Variants in PI4KB observed in about 807,000 individuals in gnomAD.
PI4KB encodes phosphatidylinositol 4-kinase beta.
PI4KB carries 23 observed loss-of-function variants against 81.4 expected under a neutral mutation model. The ratio of observed to expected loss-of-function variants is 0.28; its 90% confidence interval spans 0.20 to 0.40. PI4KB has a LOEUF of 0.40. Ranked by LOEUF, PI4KB falls within the 10% of genes least tolerant of loss-of-function variation. PI4KB has a pLI of 1.00. For synonymous variants in PI4KB, 381 were observed against 406.8 expected (o/e 0.94, Z 0.76); for missense variants, 651 against 1,036.6 (o/e 0.63, Z 5.11).
intron 8 of PI4KB, among the ~76,000 whole-genome samples, 153 bp downstream of exon 8, chr1:151,301,691 C>T (rs1695298757): frequency 6.6e-6 from 1 of 152,224 alleles, no homozygotes; most frequent in African/African-American, 2.4e-5. Flanking sequence ...ACCACCACAC[C>T]CGGCCATAAT....
At chr1:151,305,500 G>T (rs1695682270) in intron 5 of PI4KB, among the ~76,000 whole-genome samples, 1 of 152,140 alleles carries the variant, frequency 6.6e-6, no homozygotes, top group Non-Finnish European at 1.5e-5. Flanking sequence ...TTTGCATGCA[G>T]TGTTCCCTCT....
At chr1:151,318,262 C>T (rs184931780) in intron 1 of PI4KB, among the ~76,000 whole-genome samples, 2 of 151,702 alleles carry the variant, frequency 1.3e-5, no homozygotes, top group South Asian at 2.1e-4. Flanking sequence ...ACTAAAAATA[C>T]AAAAATTAGC....
intron 3 of PI4KB, 79 bp from the exon 4 acceptor site, chr1:151,307,880 C>A: frequency 9.0e-7 from 1 of 1,115,896 alleles, no homozygotes; most frequent in Admixed American, 1.8e-5. Context: ...TCACTCCTGG[C>A]CATGCAGGCC....
chr1:151,314,257 T>C (rs1403297842), intron 2 of PI4KB, among the ~76,000 whole-genome samples: 2 of 152,216 alleles, frequency 1.3e-5, no homozygotes, highest in Non-Finnish European at 2.9e-5. Flanking sequence ...TATCCGCATT[T>C]TTCAAAAAGT....
Position 151,292,144 on chromosome 1 carries a change from A to G in PI4KB, c.*708T>C, listed in dbSNP as rs1451050821. Reference sequence around the variant, plus strand: ...AAATGACACAAGTGGCTAACTAAGGACTTTATTTCAAACAAAAATTAAAAA... The same window carrying G: ...AAATGACACAAGTGGCTAACTAAGGGCTTTATTTCAAACAAAAATTAAAAA... On this transcript the variant is annotated 3_prime_UTR_variant, in exon 12 of 12. Transcript: ENST00000368873. 1 of 152,328 alleles carries G rather than the reference A, an allele frequency of 6.6e-6. No individual in the cohort carries two copies. Among genetic ancestry groups the G allele is most frequent in the African/African-American group, 2.4e-5 (1 of 41,450 alleles). 9.4% of individuals were successfully genotyped at this position (152,328 alleles called of 1,614,324 possible).
rs960195026 is a variant in PI4KB, at chr1:151,307,651, G to A, written c.1105C>T (p.Leu369=). Reference sequence around the variant, plus strand: ...TGGTGGTCAAAGCCAGCAGTGGGCAGCCAGACTCGGGCAGGGAGCTTATGG... The same window carrying A: ...TGGTGGTCAAAGCCAGCAGTGGGCAACCAGACTCGGGCAGGGAGCTTATGG... The part of the protein sequence containing the change: ...LNHKLPARVW[L]PTAGFDHHVV... Residue 369 remains leucine, a synonymous_variant, in exon 4 of 12, where the codon CTG becomes TTG. Transcript: ENST00000368873. 8 of 1,614,202 alleles carry A rather than the reference G, an allele frequency of 5.0e-6. No individual in the cohort carries two copies. The highest frequency in any genetic ancestry group is 6.8e-6 in the Non-Finnish European group (8 of 1,180,024).
intron 8 of PI4KB, among the ~76,000 whole-genome samples, chr1:151,300,164 T>G (rs186878338): frequency 6.6e-6 from 1 of 152,366 alleles, no homozygotes; most frequent in East Asian, 1.9e-4. Context: ...ACCTTGAGAT[T>G]TGACAGCTAT....
chr1:151,292,051 C>G lies in PI4KB; in HGVS notation c.*801G>C, dbSNP rs995061286. 6.6e-6 allele frequency: 1 copy of G among 152,204 alleles called. No homozygotes were observed. Among genetic ancestry groups the G allele is most frequent in the African/African-American group, 2.4e-5 (1 of 41,424 alleles). The allele number at this position is 152,204 out of a possible 1,614,324, so 9.4% of individuals were successfully genotyped here. A position where few individuals can be genotyped will look rare whatever the true frequency, so the allele number is the denominator to read the frequency against. On this transcript the variant is annotated 3_prime_UTR_variant, in exon 12 of 12. Transcript: ENST00000368873. ...AACTTCTATGTAGTGCCTTTTGTAT[C>G]TTGGACACTGAGGCATCCGTTCATA...
In PI4KB at chr1:151,307,561, A is replaced by G; in HGVS notation, c.1182+13T>C. 6.3e-7 allele frequency: 1 copy of G among 1,589,746 alleles called. No individual in the cohort carries two copies. Among genetic ancestry groups the G allele is most frequent in the East Asian group, 2.2e-5 (1 of 44,772 alleles). Reference sequence around the variant, plus strand: ...CACGTCCAGGGTAGGGGTTTGGGCCAGAACCCATCTACCTTGTCCTTGGAG... The same window carrying G: ...CACGTCCAGGGTAGGGGTTTGGGCCGGAACCCATCTACCTTGTCCTTGGAG... On this transcript the variant is annotated intron_variant, in intron 4 of 11. Coordinates refer to ENST00000368873, the MANE Select transcript of PI4KB (RefSeq NM_001369623.2).
chr1:151,312,602 A>G (rs1647286948), intron 2 of PI4KB, among the ~76,000 whole-genome samples: 1 of 152,192 alleles, frequency 6.6e-6, no homozygotes, highest in Non-Finnish European at 1.5e-5. Flanking sequence ...ACATTGTACA[A>G]AGTCAATAAC....
intron 2 of PI4KB, among the ~76,000 whole-genome samples, 158 bp downstream of exon 2, chr1:151,315,415 A>C (rs1164986096): frequency 6.6e-6 from 1 of 152,196 alleles, no homozygotes; most frequent in Non-Finnish European, 1.5e-5. Context: ...AAATACATGA[A>C]TTCTAAGGCC....
chr1:151,293,703 A>G, intron 11 of PI4KB: 1 of 334,710 alleles, frequency 3.0e-6, no homozygotes, highest in Non-Finnish European at 5.6e-6. Context: ...ATGGAAGGAG[A>G]CTGAGAAACT....
At chr1:151,306,978 G>A (rs1366708856) in intron 4 of PI4KB, among the ~76,000 whole-genome samples, 3 of 152,158 alleles carry the variant, frequency 2.0e-5, no homozygotes, top group Non-Finnish European at 2.9e-5. Flanking sequence ...AGGAGGCTAA[G>A]GCAGGAGAAT....
At chr1:151,301,161 G>A (rs755822399) in intron 8 of PI4KB, among the ~76,000 whole-genome samples, 11 of 152,186 alleles carry the variant, frequency 7.2e-5, no homozygotes, top group South Asian at 2.1e-4. Context: ...GGTGGTCCCC[G>A]GCAGAATAAT....
intron 1 of PI4KB, among the ~76,000 whole-genome samples, chr1:151,323,890 T>G (rs1571231660): frequency 6.6e-6 from 1 of 152,252 alleles, no homozygotes; most frequent in South Asian, 2.1e-4. Flanking sequence ...GACTGCTGTT[T>G]TTCTTCATAA....
At chr1:151,325,570 G>A (rs1484384327) in intron 1 of PI4KB, among the ~76,000 whole-genome samples, 1 of 152,158 alleles carries the variant, frequency 6.6e-6, no homozygotes, top group East Asian at 1.9e-4. Flanking sequence ...CTGGAGTTAT[G>A]GATCAAGTAC....
chr1:151,324,490 C>T (rs1362770564), intron 1 of PI4KB, among the ~76,000 whole-genome samples: 1 of 152,178 alleles, frequency 6.6e-6, no homozygotes, highest in African/African-American at 2.4e-5. Context: ...CCAGCTCCAG[C>T]CCTACCAGGA....
chr1:151,308,415 G>A (rs1182495281), intron 3 of PI4KB, among the ~76,000 whole-genome samples: 1 of 152,206 alleles, frequency 6.6e-6, no homozygotes, highest in East Asian at 1.9e-4. Context: ...ATGGAAAGAG[G>A]ATGAGCCGAT....
At chr1:151,311,608 T>C (rs1282274107) in intron 2 of PI4KB, among the ~76,000 whole-genome samples, 2 of 152,216 alleles carry the variant, frequency 1.3e-5, no homozygotes, top group African/African-American at 4.8e-5. Flanking sequence ...ACCTATGAGC[T>C]GGTTGGAGAA....
Sources: gnomAD v4.1 joint callset for allele counts (sites outside exome capture counted in the v4.1 genomes callset) on GRCh38, gnomAD v4.1.1 for gene constraint, MANE v1.5 for transcripts, NCBI Gene and HGNC (gene_info 2026-07-23, HGNC 2026-07-21) for gene names.